Variants in ROBO1 observed in about 807,000 individuals in gnomAD.
ROBO1 encodes roundabout homolog 1.
In ROBO1, 149 loss-of-function variants were observed where a neutral mutation model predicts 195.9. The observed-to-expected ratio is 0.76, with a 90% CI of 0.67 to 0.87. The LOEUF is 0.87. Ranked by LOEUF, ROBO1 falls within the 40% of genes least tolerant of loss-of-function variation. ROBO1 has a pLI of 0.00. For missense variants in ROBO1, 1,933 were observed against 2,068.3 expected, an observed-to-expected ratio of 0.93 and a Z score of 1.27; for synonymous variants, 816 against 733.2, an observed-to-expected ratio of 1.11 and a Z score of -1.82.
At chr3:78,959,241 T>C (rs2041214468) in intron 3 of ROBO1, among the ~76,000 whole-genome samples, 1 of 152,078 alleles carries the variant, frequency 6.6e-6, no homozygotes, top group African/African-American at 2.4e-5. Flanking sequence ...AAAGAATGCA[T>C]TACAACCAAA....
chr3:78,677,130 T>C (rs772386216), intron 10 of ROBO1, among the ~76,000 whole-genome samples: 1 of 152,096 alleles, frequency 6.6e-6, no homozygotes, highest in African/African-American at 2.4e-5. Context: ...TGCTGAGAGA[T>C]TTTGTCACCA....
At chr3:79,450,871 A>G (rs1306385304) in intron 2 of ROBO1, among the ~76,000 whole-genome samples, 1 of 149,328 alleles carries the variant, frequency 6.7e-6, no homozygotes, top group African/African-American at 2.4e-5. Flanking sequence ...GGGGAAATGA[A>G]AATAGTAATT....
chr3:79,053,804 C>T (rs1204164059), intron 3 of ROBO1, among the ~76,000 whole-genome samples: 2 of 152,068 alleles, frequency 1.3e-5, no homozygotes, highest in Admixed American at 6.6e-5. Context: ...CAGTGCAATG[C>T]TTATTACGCC....
intron 4 of ROBO1, among the ~76,000 whole-genome samples, chr3:78,837,868 A>G (rs924571842): frequency 1.3e-5 from 2 of 152,204 alleles, no homozygotes; most frequent in Non-Finnish European, 2.9e-5. Flanking sequence ...AGATGAATAG[A>G]TGGGAAAATA....
At chr3:79,027,719 C>T (rs79129559) in intron 3 of ROBO1, among the ~76,000 whole-genome samples, 2,287 of 152,154 alleles carry the variant, frequency 0.015, 67 homozygotes, top group African/African-American at 0.053. Flanking sequence ...AATTTCATTG[C>T]TGGAACTAAA....
chr3:79,414,676 C>CAA (rs1450247618), intron 2 of ROBO1, among the ~76,000 whole-genome samples: 20 of 152,104 alleles, frequency 1.3e-4, no homozygotes, highest in African/African-American at 4.8e-4. Context: ...AGTAAAAGCT[C>CAA]AAAGCTTATA....
In ROBO1 at chr3:78,761,180, A is replaced by T. The variant is rs533568398; in HGVS notation, c.500-14280T>A. Among the ~76,000 whole-genome samples, 145 of 152,236 alleles carry T rather than the reference A, an allele frequency of 9.5e-4. 1 individual carries two copies. The highest frequency in any genetic ancestry group is 3.3e-3 in the African/African-American group (136 of 41,540). On this transcript the variant is annotated intron_variant, in intron 4 of 30. Coordinates refer to ENST00000464233, the MANE Select transcript of ROBO1 (RefSeq NM_002941.4). The stretch of plus-strand genomic sequence containing the variant: ...TAATGAGGAATAAACGGTTCTTAGC[A>T]CTAGGTTACCTGACCAGCTTTTGAA...
chr3:78,985,949 AG>A (rs1033857928), intron 3 of ROBO1, among the ~76,000 whole-genome samples: 1 of 152,156 alleles, frequency 6.6e-6, no homozygotes, highest in African/African-American at 2.4e-5. Flanking sequence ...GAAAAGAAGG[AG>A]GGGCAGCAGA....
intron 4 of ROBO1, among the ~76,000 whole-genome samples, chr3:78,829,663 G>A (rs1366884642): frequency 6.6e-6 from 1 of 152,116 alleles, no homozygotes; most frequent in Admixed American, 6.5e-5. Flanking sequence ...TCTCTTGAAT[G>A]GGCCCTGAGA....
chr3:79,161,753 T>C (rs1331733449), intron 2 of ROBO1, among the ~76,000 whole-genome samples: 2 of 152,108 alleles, frequency 1.3e-5, no homozygotes, highest in African/African-American at 4.8e-5. Flanking sequence ...AGAGCTAGCC[T>C]CTAGTACCAT....
chr3:79,762,633 A>ACACAC (rs56727083), intron 1 of ROBO1, among the ~76,000 whole-genome samples: 3 of 31,284 alleles, frequency 9.6e-5, no homozygotes, highest in African/African-American at 2.5e-4. Flanking sequence ...CACACACACA[A>ACACAC]AAGCCGAGAG....
intron 2 of ROBO1, among the ~76,000 whole-genome samples, chr3:79,561,717 A>C (rs1231778923): frequency 1.3e-5 from 2 of 152,186 alleles, no homozygotes; most frequent in Non-Finnish European, 2.9e-5. Flanking sequence ...CCAATTAAAA[A>C]ATGATAGAGG....
chr3:78,947,887 A>G (rs1426336310), intron 3 of ROBO1, among the ~76,000 whole-genome samples: 12 of 152,220 alleles, frequency 7.9e-5, no homozygotes, highest in South Asian at 2.1e-4. Context: ...AGAGAATACT[A>G]TAAACACCTC....
At chr3:79,445,765 C>A (rs1311062424) in intron 2 of ROBO1, among the ~76,000 whole-genome samples, 5 of 151,364 alleles carry the variant, frequency 3.3e-5, no homozygotes, top group Non-Finnish European at 7.4e-5. Flanking sequence ...GGGTTCACAC[C>A]ATTCTCCTGC....
chr3:79,520,222 G>A (rs923153061), intron 2 of ROBO1, among the ~76,000 whole-genome samples: 29 of 151,654 alleles, frequency 1.9e-4, no homozygotes, highest in Admixed American at 1.4e-3. Context: ...CACATATGCC[G>A]AAGAAAGCAA....
At chr3:79,389,353 C>T (rs1006002255) in intron 2 of ROBO1, among the ~76,000 whole-genome samples, 2 of 152,102 alleles carry the variant, frequency 1.3e-5, no homozygotes, top group Admixed American at 6.6e-5. Flanking sequence ...TTAAACTTCA[C>T]TTGGTAGGTT....
Position 79,093,273 on chromosome 3 carries a change from T to C in ROBO1, c.172+32183A>G, listed in dbSNP as rs145334819. On this transcript the variant is annotated intron_variant, in intron 3 of 30. Transcript: ENST00000464233. ...TTTAAGAGTTTACTGTGGAACTGAA[T>C]GTGTGTCACTGGGTCCACATGGCTT... Among the ~76,000 whole-genome samples the C allele has an allele frequency of 2.4e-3, 364 of 152,262 alleles. 3 individuals carry two copies. The highest frequency in any genetic ancestry group is 8.5e-3 in the African/African-American group (353 of 41,578).
chr3:79,273,859 T>A lies in ROBO1; in HGVS notation c.89-148320A>T, dbSNP rs111739226. On this transcript the variant is annotated intron_variant, in intron 2 of 30. Transcript: ENST00000464233. ...CTATACTTGTATCAGACAAAACAGA[T>A]TTAAAAAACTATAATGCTAACTATA... Among the ~76,000 whole-genome samples the A allele has an allele frequency of 3.4e-3, 511 of 152,030 alleles. 3 individuals are homozygous for A. Among genetic ancestry groups the A allele is most frequent in the Non-Finnish European group, 6.3e-3 (428 of 67,902 alleles).
chr3:79,767,204 T>C (rs773134314), intron 1 of ROBO1, among the ~76,000 whole-genome samples: 4 of 152,168 alleles, frequency 2.6e-5, no homozygotes, highest in Non-Finnish European at 4.4e-5. Flanking sequence ...GGAAGCTCCC[T>C]GCAGCCTGCC....
Sources: gnomAD v4.1 joint callset for allele counts (sites outside exome capture counted in the v4.1 genomes callset) on GRCh38, gnomAD v4.1.1 for gene constraint, MANE v1.5 for transcripts, NCBI Gene and HGNC (gene_info 2026-07-23, HGNC 2026-07-21) for gene names.